The following STOM variants were observed in gnomAD, a reference collection of about 807,000 sequenced individuals.
The protein encoded by STOM is erythrocyte band 7 integral membrane protein.
STOM carries 25 observed loss-of-function variants against 30.6 expected under a neutral mutation model. The ratio of observed to expected loss-of-function variants is 0.82; its 90% CI spans 0.60 to 1.14. The LOEUF is 1.14. Among genes scored for constraint, STOM ranks in the 50% most tolerant of loss-of-function variants. The pLI is 0.00. For missense variants in STOM, 292 were observed against 365.2 expected, an observed-to-expected ratio of 0.80 and a Z score of 1.63; for synonymous variants, 118 against 130.8, an observed-to-expected ratio of 0.90 and a Z score of 0.67.
chr9:121,368,259 C>T (rs886887029), intron 1 of STOM, among the ~76,000 whole-genome samples: 103 of 152,012 alleles, frequency 6.8e-4, no homozygotes, highest in African/African-American at 2.3e-3. Context: ...AAGTGTAGAA[C>T]CAAGGAAAAA....
intron 1 of STOM, among the ~76,000 whole-genome samples, chr9:121,363,487 T>C (rs2064473709): frequency 6.6e-6 from 1 of 152,192 alleles, no homozygotes; most frequent in Non-Finnish European, 1.5e-5. Flanking sequence ...TATTTTGGGC[T>C]TTGCAGTCTG....
Position 121,341,134 on chromosome 9 carries a change from C to G in STOM, c.*68G>C. On this transcript the variant is annotated 3_prime_UTR_variant, in exon 7 of 7. Coordinates refer to ENST00000286713, the MANE Select transcript of STOM (RefSeq NM_004099.6). ...TATGGAAAAAGAAAAGCCCTACCCT[C>G]TCTTTATGAGTTAAAGGCTAATTTG... 6.2e-7 allele frequency: 1 copy of G among 1,605,738 alleles called. No homozygotes were observed. Among genetic ancestry groups the G allele is most frequent in the South Asian group, 1.1e-5 (1 of 90,694 alleles).
Position 121,340,530 on chromosome 9 carries a change from A to G in STOM, c.*672T>C. 2.5e-6 allele frequency: 2 copies of G among 802,978 alleles called. No individual in the cohort carries two copies. The highest frequency in any genetic ancestry group is 3.0e-6 in the Non-Finnish European group (2 of 663,714). The allele number at this position is 802,978 out of a possible 1,614,324, so 49.7% of individuals were successfully genotyped here. On this transcript the variant is annotated 3_prime_UTR_variant, in exon 7 of 7. Transcript: ENST00000286713. The stretch of plus-strand genomic sequence containing the variant: ...GGTGGGTGGATCACCTGAGGTTAGG[A>G]GTTCGTGACTAGCCTGGCCAACATG...
intron 1 of STOM, among the ~76,000 whole-genome samples, chr9:121,367,097 A>G (rs2064511817): frequency 6.6e-6 from 1 of 152,006 alleles, no homozygotes; most frequent in Non-Finnish European, 1.5e-5. Flanking sequence ...TAGTTTAATT[A>G]TGGGAGGGGA....
At chr9:121,341,808 A>G (rs1246564475) in intron 6 of STOM, among the ~76,000 whole-genome samples, 2 of 152,226 alleles carry the variant, frequency 1.3e-5, no homozygotes, top group Non-Finnish European at 2.9e-5. Flanking sequence ...GTCATTATAA[A>G]TATTTTTTGA....
chr9:121,352,982 A>G (rs1432883395), intron 4 of STOM, among the ~76,000 whole-genome samples: 1 of 152,128 alleles, frequency 6.6e-6, no homozygotes, highest in Admixed American at 6.5e-5. Flanking sequence ...AGTCTCAGCT[A>G]CTCGGGAGGC....
chr9:121,356,258 C>A (rs2064389524), intron 1 of STOM, 102 bp from the exon 2 acceptor site: 2 of 893,920 alleles, frequency 2.2e-6, no homozygotes, highest in African/African-American at 1.7e-5. Context: ...CTTGGCACTA[C>A]ACCAGCTGTT....
rs762236836 is a variant in STOM at position 121,339,928 on chromosome 9, A to G, written c.*1274T>C. On this transcript the variant is annotated 3_prime_UTR_variant, in exon 7 of 7. Coordinates refer to ENST00000286713, the MANE Select transcript of STOM (RefSeq NM_004099.6). ...ATACTGTGAATTCCTTATACTATGT[A>G]ATGAATGGGTTTGTAATCAACATAT... 2.6e-5 allele frequency: 28 copies of G among 1,058,390 alleles called. No homozygotes were observed. Among genetic ancestry groups the G allele is most frequent in the Non-Finnish European group, 3.1e-5 (27 of 878,440 alleles). 65.6% of individuals were successfully genotyped at this position (1,058,390 alleles called of 1,614,324 possible).
Position 121,340,892 on chromosome 9 carries a change from C to G in STOM, c.*310G>C, listed in dbSNP as rs1057374. ...GCAGTTACAGCCCAGGTTCTTGCCT[C>G]TGGCCTGGGTGCTTAGGGGGTTCAG... On this transcript the variant is annotated 3_prime_UTR_variant, in exon 7 of 7. Transcript: ENST00000286713. 0.011 allele frequency: 12,544 copies of G among 1,180,172 alleles called. 83 individuals are homozygous for G. Among genetic ancestry groups the G allele is most frequent in the Non-Finnish European group, 0.012 (11,767 of 944,966 alleles). 73.1% of individuals were successfully genotyped at this position (1,180,172 alleles called of 1,614,324 possible).
rs561791007 is a variant in STOM, at chr9:121,355,226, C to T, written c.166-553G>A. The stretch of plus-strand genomic sequence containing the variant: ...TCCAGCCTGGGCCACAAGGTGACTC[C>T]GTCTCAAAAAAAAAAAAAAAAAAAT... On this transcript the variant is annotated intron_variant, in intron 2 of 6. Transcript: ENST00000286713. Among the ~76,000 whole-genome samples, 13 of 114,080 alleles carry T rather than the reference C, an allele frequency of 1.1e-4. No individual in the cohort carries two copies. In the South Asian group the frequency reaches 2.0e-3, roughly 18 times the overall value. The allele number at this position is 114,080 out of a possible 152,430, so 74.8% of individuals were successfully genotyped here. A position where few individuals can be genotyped will look rare whatever the true frequency, so the allele number is the denominator to read the frequency against.
intron 6 of STOM, among the ~76,000 whole-genome samples, chr9:121,344,768 A>G (rs904548517): frequency 6.6e-6 from 1 of 152,222 alleles, no homozygotes; most frequent in Non-Finnish European, 1.5e-5. Context: ...TCTGCACTCC[A>G]TCCTCTCAAT....
chr9:121,352,262 T>C (rs1352149373), intron 4 of STOM, among the ~76,000 whole-genome samples: 1 of 152,236 alleles, frequency 6.6e-6, no homozygotes, highest in African/African-American at 2.4e-5. Flanking sequence ...ACTACATAAA[T>C]AGTTGCTATA....
At chr9:121,365,201 T>C (rs998837881) in intron 1 of STOM, among the ~76,000 whole-genome samples, 6 of 152,024 alleles carry the variant, frequency 3.9e-5, no homozygotes, top group Non-Finnish European at 8.8e-5. Context: ...GATCCTGGGA[T>C]ACAGTACAGA....
chr9:121,354,542 T>C, intron 3 of STOM, 59 bp downstream of exon 3: 2 of 1,395,524 alleles, frequency 1.4e-6, no homozygotes, highest in Non-Finnish European at 2.0e-6. Context: ...TACCTAAAAA[T>C]AAAAAAAATA....
intron 3 of STOM, 112 bp from the exon 4 acceptor site, chr9:121,353,414 C>T (rs936169900): frequency 3.1e-5 from 17 of 547,724 alleles, no homozygotes; most frequent in Middle Eastern, 2.8e-4. Context: ...AGTTCATCTT[C>T]GTGAATGAGC....
chr9:121,365,004 A>G (rs1007444594), intron 1 of STOM, among the ~76,000 whole-genome samples: 1 of 152,200 alleles, frequency 6.6e-6, no homozygotes, highest in Non-Finnish European at 1.5e-5. Context: ...CATAGGGCTA[A>G]TAAGAGTACC....
chr9:121,357,197 T>A (rs993135055), intron 1 of STOM, among the ~76,000 whole-genome samples: 2 of 152,062 alleles, frequency 1.3e-5, no homozygotes, highest in African/African-American at 2.4e-5. Context: ...GATTTCTTAG[T>A]GCTATAAACA....
chr9:121,354,585 G>T lies in STOM; in HGVS notation c.238+16C>A. 6.4e-7 allele frequency: 1 copy of T among 1,565,678 alleles called. No homozygotes were observed. Among genetic ancestry groups the T allele is most frequent in the Non-Finnish European group, 8.6e-7 (1 of 1,158,866 alleles). ...CTTTAGTTTTCAGATAAACAATCTAGAATCCCAGTACTGACCAGGTCCTTT... is the reference window on the plus strand; with the variant it reads ...CTTTAGTTTTCAGATAAACAATCTATAATCCCAGTACTGACCAGGTCCTTT... On this transcript the variant is annotated intron_variant, in intron 3 of 6. Transcript: ENST00000286713.
intron 1 of STOM, among the ~76,000 whole-genome samples, chr9:121,367,564 T>C (rs2064516911): frequency 6.6e-6 from 1 of 152,270 alleles, no homozygotes; most frequent in Non-Finnish European, 1.5e-5. Flanking sequence ...TTTGTTGACA[T>C]GGCTCTTAAT....
Sources: allele counts gnomAD v4.1 joint callset (sites outside exome capture counted in the v4.1 genomes callset), GRCh38; gene constraint gnomAD v4.1.1; transcripts MANE v1.5; gene names NCBI Gene and HGNC (gene_info 2026-07-23, HGNC 2026-07-21).